Variants in CSMD1 observed in about 807,000 individuals in gnomAD.
CSMD1 encodes the protein CUB and sushi domain-containing protein 1.
In CSMD1, 213 loss-of-function variants were observed where a neutral mutation model predicts 417.5. The ratio of observed to expected loss-of-function variants is 0.51; its 90% CI spans 0.46 to 0.57. The LOEUF is 0.57. CSMD1 is among the 20% of genes least tolerant of loss of function. The pLI is 0.00. For synonymous variants in CSMD1, 2,862 were observed against 1,736.8 expected (o/e 1.65, Z -16.11); for missense variants, 6,923 against 4,529.7 (o/e 1.53, Z -15.17).
chr8:4,463,820 G>A (rs1023352806), intron 2 of CSMD1, among the ~76,000 whole-genome samples: 4 of 152,106 alleles, frequency 2.6e-5, no homozygotes, highest in Non-Finnish European at 5.9e-5. Flanking sequence ...AATAACTGTG[G>A]TGATGAATGC....
intron 1 of CSMD1, among the ~76,000 whole-genome samples, chr8:4,787,037 T>C (rs945787500): frequency 7.9e-5 from 12 of 152,306 alleles, no homozygotes; most frequent in African/African-American, 2.6e-4. Flanking sequence ...GATAGAGCAG[T>C]CACCACTTCT....
chr8:3,995,728 C>T (rs556187122), intron 5 of CSMD1, among the ~76,000 whole-genome samples: 1 of 152,264 alleles, frequency 6.6e-6, no homozygotes, highest in African/African-American at 2.4e-5. Flanking sequence ...GCTTTTGCGC[C>T]AAGCAAATAG....
At chr8:4,222,367 GAATA>G (rs1563297147) in intron 3 of CSMD1, among the ~76,000 whole-genome samples, 82 of 460 alleles carry the variant, frequency 0.18, no homozygotes, top group Middle Eastern at 0.5. Flanking sequence ...TCTGTAAACA[GAATA>G]AGAAGCTTCC....
At chr8:3,829,864 G>C (rs1180071498) in intron 5 of CSMD1, among the ~76,000 whole-genome samples, 3 of 152,084 alleles carry the variant, frequency 2.0e-5, no homozygotes, top group Admixed American at 6.6e-5. Context: ...AATCCGCTTA[G>C]AAAACACTGT....
chr8:4,778,269 T>G lies in CSMD1; in HGVS notation c.86-140711A>C, dbSNP rs985465703. Among the ~76,000 whole-genome samples the G allele has an allele frequency of 1.8e-4, 28 of 152,194 alleles. 1 individual carries two copies. Among genetic ancestry groups the G allele is most frequent in the Admixed American group, 1.8e-3 (28 of 15,274 alleles). On this transcript the variant is annotated intron_variant, in intron 1 of 69. Coordinates refer to ENST00000635120, the MANE Select transcript of CSMD1 (RefSeq NM_033225.6). ...TCAGACATCAGCAAACTGTGGCACATGGGCTGGTCATCTAATTTTGCAAAT... is the reference window on the plus strand; with the variant it reads ...TCAGACATCAGCAAACTGTGGCACAGGGGCTGGTCATCTAATTTTGCAAAT...
intron 12 of CSMD1, among the ~76,000 whole-genome samples, chr8:3,453,595 G>C (rs1028554101): frequency 6.6e-6 from 1 of 152,162 alleles, no homozygotes; most frequent in African/African-American, 2.4e-5. Context: ...GGAGCAGGTT[G>C]TTCAGTTTCC....
Position 3,843,688 on chromosome 8 carries a change from A to G in CSMD1, c.819-89646T>C, listed in dbSNP as rs1462105209. ...CACGGAGTGAGTGACGGGAGCCCAC[A>G]GTGGGTGGAACACAGACCTAGTTTG... On this transcript the variant is annotated intron_variant, in intron 5 of 69. Transcript: ENST00000635120. 2.0e-5 allele frequency among the ~76,000 whole-genome samples: 3 copies of G among 152,202 alleles called. No homozygotes were observed. In the East Asian group the frequency reaches 5.8e-4, roughly 29 times the overall value.
intron 3 of CSMD1, among the ~76,000 whole-genome samples, chr8:4,198,659 C>CT (rs1193730841): frequency 3.3e-5 from 5 of 152,096 alleles, no homozygotes; most frequent in African/African-American, 9.7e-5. Context: ...CATAGCTTGC[C>CT]TTTTCCAGAT....
intron 1 of CSMD1, among the ~76,000 whole-genome samples, chr8:4,950,574 G>T (rs1030232102): frequency 6.6e-6 from 1 of 152,066 alleles, no homozygotes; most frequent in South Asian, 2.1e-4. Flanking sequence ...TATAAATTTA[G>T]TTTCTATGTA....
At chr8:4,967,656 T>A (rs999064103) in intron 1 of CSMD1, among the ~76,000 whole-genome samples, 1 of 152,170 alleles carries the variant, frequency 6.6e-6, no homozygotes, top group East Asian at 1.9e-4. Context: ...TATTCTCTGG[T>A]TCTAATGAGC....
intron 5 of CSMD1, among the ~76,000 whole-genome samples, chr8:3,950,781 TG>T (rs1811548963): frequency 6.6e-6 from 1 of 152,166 alleles, no homozygotes; most frequent in African/African-American, 2.4e-5. Flanking sequence ...AAACAGTACA[TG>T]GTATAAACAT....
At chr8:4,157,510 G>T (rs776771341) in intron 3 of CSMD1, among the ~76,000 whole-genome samples, 1 of 152,014 alleles carries the variant, frequency 6.6e-6, no homozygotes, top group African/African-American at 2.4e-5. Context: ...GAGGCTCAAA[G>T]AACTGGTTAA....
chr8:4,176,948 C>A (rs563859987), intron 3 of CSMD1, among the ~76,000 whole-genome samples: 2 of 150,948 alleles, frequency 1.3e-5, no homozygotes, highest in African/African-American at 4.9e-5. Context: ...CAGTGACCTA[C>A]AAAGAGACTT....
chr8:3,327,959 C>G lies in CSMD1; in HGVS notation c.3631+15335G>C, dbSNP rs974477280. Among the ~76,000 whole-genome samples the G allele has an allele frequency of 2.0e-5, 3 of 152,122 alleles. No homozygotes were observed. The South Asian group carries it at 6.2e-4, about 32-fold the overall frequency. ...TGACCAATGCCCTACCTAGCCCTAG[C>G]CCAGAATGCATCTCTGTGTATAATT... On this transcript the variant is annotated intron_variant, in intron 23 of 69. Coordinates refer to ENST00000635120, the MANE Select transcript of CSMD1 (RefSeq NM_033225.6).
chr8:4,533,710 C>A (rs1052629216), intron 2 of CSMD1, among the ~76,000 whole-genome samples: 5 of 151,824 alleles, frequency 3.3e-5, no homozygotes, highest in Admixed American at 1.3e-4. Flanking sequence ...AAATGACTCA[C>A]AGAGAGAAAA....
chr8:4,941,746 G>C lies in CSMD1; in HGVS notation c.85+52586C>G, dbSNP rs1012788393. Among the ~76,000 whole-genome samples the C allele has an allele frequency of 1.8e-4, 27 of 152,184 alleles. 1 individual carries two copies. In the East Asian group the frequency reaches 4.3e-3, roughly 24 times the overall value. ...CCTGAGTAGTTGGGACCACAGGCAT[G>C]TGCCATTATGCCCGACTGATTTTCA... On this transcript the variant is annotated intron_variant, in intron 1 of 69. Transcript: ENST00000635120.
chr8:3,978,964 C>G (rs1028035859), intron 5 of CSMD1, among the ~76,000 whole-genome samples: 2 of 152,224 alleles, frequency 1.3e-5, no homozygotes, highest in African/African-American at 4.8e-5. Flanking sequence ...TGTTTTTACA[C>G]TGCCTCCTAG....
rs575441088 is a variant in CSMD1, at chr8:4,279,311, G to A, written c.415+140642C>T. Among the ~76,000 whole-genome samples, 455 of 152,244 alleles carry A rather than the reference G, an allele frequency of 3.0e-3. 3 individuals carry two copies. The highest frequency in any genetic ancestry group is 4.0e-3 in the Non-Finnish European group (274 of 68,018). On this transcript the variant is annotated intron_variant, in intron 3 of 69. Transcript: ENST00000635120. ...CCAACTGCTTCAAACAAGTCATGAA[G>A]AAACACACAGTCACACACAAGACTA...
intron 50 of CSMD1, among the ~76,000 whole-genome samples, chr8:3,037,049 C>G (rs6998328): frequency 6.6e-6 from 1 of 151,970 alleles, no homozygotes; most frequent in Admixed American, 6.6e-5. Context: ...GATGGGCTCC[C>G]ACTTAAAAGT....
Sources: gnomAD v4.1 joint callset for allele counts (sites outside exome capture counted in the v4.1 genomes callset) on GRCh38, gnomAD v4.1.1 for gene constraint, MANE v1.5 for transcripts, NCBI Gene and HGNC (gene_info 2026-07-23, HGNC 2026-07-21) for gene names.